RPH3AL: variants seen among roughly 807,000 people sequenced by gnomAD.
RPH3AL encodes the protein rabphilin 3A like (without C2 domains).
Under a neutral mutation model 43.1 loss-of-function variants are expected in RPH3AL, and 38 were observed. The observed-to-expected ratio is 0.88, with a 90% CI of 0.68 to 1.15. RPH3AL has a LOEUF of 1.15. Ranked by LOEUF, RPH3AL falls within the 50% of genes most tolerant of loss-of-function variation. The probability of loss-of-function intolerance (pLI) is 0.00; values close to 1 mark genes in which losing one functional copy is unlikely to be tolerated. For missense variants in RPH3AL, 462 were observed against 423.2 expected (o/e 1.09, Z -0.81); for synonymous variants, 189 against 176.3 (o/e 1.07, Z -0.57).
chr17:235,566 G>T (rs1188170925), intron 7 of RPH3AL, among the ~76,000 whole-genome samples: 8 of 146,118 alleles, frequency 5.5e-5, no homozygotes, highest in Non-Finnish European at 1.2e-4. Flanking sequence ...TCAAAGCTGG[G>T]GTCGGTGGAG....
At chr17:236,424 C>T (rs1167848537) in intron 7 of RPH3AL, among the ~76,000 whole-genome samples, 3 of 152,078 alleles carry the variant, frequency 2.0e-5, no homozygotes, top group Non-Finnish European at 4.4e-5. Flanking sequence ...CTGGCCACGC[C>T]ATCCGTTATG....
Position 215,742 on chromosome 17 carries a change from C to A in RPH3AL, c.788G>T (p.Cys263Phe). ...CTCACCACTGGCCAGGCTGCTCTGG[C>A]ACCCAGAGAGGTGGCCCGGCGGGTG... ...FTHPPGHLSGCQSSLASGETG... is the reference protein window; with the variant it reads ...FTHPPGHLSGFQSSLASGETG... Residue 263 changes from cysteine (C) to phenylalanine (F), a missense_variant, in exon 9 of 10, where the codon TGC becomes TTC. By Grantham distance (205) the Cys-to-Phe change is radical. Coordinates refer to ENST00000331302, the MANE Select transcript of RPH3AL (RefSeq NM_006987.4). This position sits in a 1 kb window ranked among gnomAD's most constrained non-coding sequence, Gnocchi z 4.1. 7.6e-7 allele frequency: 1 copy of A among 1,308,684 alleles called. No homozygotes were observed. The highest frequency in any genetic ancestry group is 9.8e-7 in the Non-Finnish European group (1 of 1,025,480). 81.1% of individuals were successfully genotyped at this position (1,308,684 alleles called of 1,614,324 possible). A position where few individuals can be genotyped will look rare whatever the true frequency, so the allele number is the denominator to read the frequency against.
Position 264,909 on chromosome 17 carries a change from A to G in RPH3AL, c.438+16859T>C, listed in dbSNP as rs1467956940. 1.3e-5 allele frequency among the ~76,000 whole-genome samples: 2 copies of G among 152,256 alleles called. No individual in the cohort carries two copies. The highest frequency in any genetic ancestry group is 2.9e-5 in the Non-Finnish European group (2 of 68,052). On this transcript the variant is annotated intron_variant, in intron 6 of 9. Coordinates refer to ENST00000331302, the MANE Select transcript of RPH3AL (RefSeq NM_006987.4). The surrounding 1 kb of genome is among the most constrained non-coding windows in gnomAD (Gnocchi z 4.8). ...AAAACTCAGTCTAAATTACTAATGT[A>G]CACATAACTGCAAAACATGAAAATG...
chr17:284,945 C>A (rs2042870040), intron 5 of RPH3AL, among the ~76,000 whole-genome samples: 1 of 152,192 alleles, frequency 6.6e-6, no homozygotes, highest in South Asian at 2.1e-4. Flanking sequence ...GCCTCCTCCT[C>A]TGATAAGGAC....
intron 4 of RPH3AL, among the ~76,000 whole-genome samples, chr17:320,882 G>A (rs1025023141): frequency 2.6e-5 from 4 of 152,224 alleles, no homozygotes; most frequent in Non-Finnish European, 4.4e-5. Flanking sequence ...GGCGGGGAGC[G>A]GCTCCTGCTG....
At position 213,909 on chromosome 17, in the gene RPH3AL, AG is replaced by A. The variant is rs768091945; in HGVS notation, c.890del (p.Pro297LeufsTer56). 45 of 1,613,224 alleles carry A rather than the reference AG, an allele frequency of 2.8e-5. No homozygotes were observed. The South Asian group carries it at 4.8e-4, about 17-fold the overall frequency. On this transcript the variant is annotated frameshift_variant, in exon 10 of 10. Transcript: ENST00000331302. LOFTEE classifies it high-confidence loss of function. Reference sequence around the variant, plus strand: ...CTGCGTCAGCAGCGGGGGCTCGTCCAGGTGTGTCTTTTACCTTTGGATGAGA... The same window carrying A: ...CTGCGTCAGCAGCGGGGGCTCGTCCAGTGTGTCTTTTACCTTTGGATGAGA... ...LTRRAPVKDT[P>X]GRAPAADAAP... is the part of the protein sequence containing the mutation.
chr17:309,568 C>A (rs1171616422), intron 5 of RPH3AL, among the ~76,000 whole-genome samples: 3 of 122,420 alleles, frequency 2.5e-5, no homozygotes, highest in Non-Finnish European at 5.6e-5. Context: ...TATGGCACGT[C>A]CCCTGCCCTG....
chr17:307,390 A>T (rs1280759645), intron 5 of RPH3AL, among the ~76,000 whole-genome samples: 2 of 124,246 alleles, frequency 1.6e-5, no homozygotes, highest in African/African-American at 3.1e-5. Context: ...CGGCAGGTCC[A>T]TCCCGCGGCA....
At position 337,375 on chromosome 17, in the gene RPH3AL, A is replaced by G. The variant is rs2044987058; in HGVS notation, c.-212-3441T>C. On this transcript the variant is annotated intron_variant, in intron 1 of 9. Coordinates refer to ENST00000331302, the MANE Select transcript of RPH3AL (RefSeq NM_006987.4). Reference sequence around the variant, plus strand: ...CTCAGCCTCCCAAGTAGCTGGGACTATGGGAGTACGCCACGACACCCAGCC... The same window carrying G: ...CTCAGCCTCCCAAGTAGCTGGGACTGTGGGAGTACGCCACGACACCCAGCC... 2.6e-5 allele frequency among the ~76,000 whole-genome samples: 4 copies of G among 152,186 alleles called. 1 individual carries two copies. The South Asian group carries it at 6.2e-4, about 24-fold the overall frequency.
chr17:257,670 G>A (rs1256326115), intron 6 of RPH3AL, among the ~76,000 whole-genome samples: 2 of 42,152 alleles, frequency 4.7e-5, no homozygotes, highest in African/African-American at 1.3e-4. Flanking sequence ...GCCGCACGGC[G>A]TCTGTCCTTT....
intron 1 of RPH3AL, among the ~76,000 whole-genome samples, chr17:349,817 G>A (rs2045318606): frequency 6.6e-6 from 1 of 152,148 alleles, no homozygotes; most frequent in Non-Finnish European, 1.5e-5. Flanking sequence ...TGTAGTAATA[G>A]CAGCAGCAGC....
At chr17:302,539 C>T (rs1421986066) in intron 5 of RPH3AL, among the ~76,000 whole-genome samples, 1 of 152,166 alleles carries the variant, frequency 6.6e-6, no homozygotes. Context: ...GCAGAGAGGG[C>T]CGTGTCCCCA....
chr17:301,389 A>G (rs1293337434), intron 5 of RPH3AL, among the ~76,000 whole-genome samples: 1 of 152,054 alleles, frequency 6.6e-6, no homozygotes, highest in African/African-American at 2.4e-5. Flanking sequence ...CTGTAGCTTT[A>G]ACCTCCCAGG....
intron 1 of RPH3AL, among the ~76,000 whole-genome samples, chr17:335,597 G>A (rs1009787958): frequency 3.9e-5 from 6 of 152,078 alleles, no homozygotes; most frequent in African/African-American, 1.4e-4. Context: ...AATATATAAC[G>A]GATAAAAATG....
In RPH3AL at chr17:225,355, C is replaced by T. The variant is rs771586589; in HGVS notation, c.614-5619G>A. ...CCTGCCTTATTTTGCAGTTGTTTTTCGGGTCCTGGACTGAGCTGCTTTGAT... is the reference window on the plus strand; with the variant it reads ...CCTGCCTTATTTTGCAGTTGTTTTTTGGGTCCTGGACTGAGCTGCTTTGAT... On this transcript the variant is annotated intron_variant, in intron 7 of 9. Transcript: ENST00000331302. This position sits in a 1 kb window ranked among gnomAD's most constrained non-coding sequence, Gnocchi z 4.4. Among the ~76,000 whole-genome samples, 2 of 152,116 alleles carry T rather than the reference C, an allele frequency of 1.3e-5. No individual in the cohort carries two copies. Among genetic ancestry groups the T allele is most frequent in the African/African-American group, 2.4e-5 (1 of 41,430 alleles).
At chr17:345,544 G>A (rs529829632) in intron 1 of RPH3AL, among the ~76,000 whole-genome samples, 1 of 135,042 alleles carries the variant, frequency 7.4e-6, no homozygotes, top group Admixed American at 7.1e-5. Context: ...GGACTGGCTA[G>A]AGAACTGAGT....
At chr17:313,589 T>C (rs1183230070) in intron 5 of RPH3AL, among the ~76,000 whole-genome samples, 2 of 152,140 alleles carry the variant, frequency 1.3e-5, no homozygotes, top group African/African-American at 2.4e-5. Context: ...CCTAAGCCTC[T>C]CCCTAGGTGC....
intron 3 of RPH3AL, among the ~76,000 whole-genome samples, chr17:326,472 G>T (rs959950237): frequency 6.6e-6 from 1 of 152,140 alleles, no homozygotes; most frequent in African/African-American, 2.4e-5. Context: ...GAGGGACAGC[G>T]AGGGACTGGA....
At chr17:286,953 G>C (rs796678286) in intron 5 of RPH3AL, among the ~76,000 whole-genome samples, 2 of 66,698 alleles carry the variant, frequency 3.0e-5, no homozygotes, top group Admixed American at 1.6e-4. Flanking sequence ...TCTCTCCACC[G>C]TCAGACCTCG....
Sources: allele counts gnomAD v4.1 joint callset (sites outside exome capture counted in the v4.1 genomes callset), GRCh38; gene constraint gnomAD v4.1.1; non-coding constraint Gnocchi (gnomAD v3.1); transcripts MANE v1.5; gene names NCBI Gene and HGNC (gene_info 2026-07-23, HGNC 2026-07-21).